Variants in TXLNB observed in about 807,000 individuals in gnomAD.
The protein encoded by TXLNB is beta-taxilin.
A neutral mutation model predicts 57.4 loss-of-function variants in TXLNB; 37 were observed. That is an observed-to-expected ratio of 0.64 (90% CI 0.50 to 0.85). The LOEUF is 0.85. Among genes scored for constraint, TXLNB ranks in the 40% least tolerant of loss-of-function variants. TXLNB has a pLI of 0.00. For missense variants in TXLNB, 848 were observed against 825.6 expected, an observed-to-expected ratio of 1.03 and a Z score of -0.33; for synonymous variants, 302 against 309.6, an observed-to-expected ratio of 0.98 and a Z score of 0.26.
rs534846233 is a variant in TXLNB, at chr6:139,282,688, G to A, written c.425-5767C>T. On this transcript the variant is annotated intron_variant, in intron 2 of 9. Transcript: ENST00000358430. ...ACTGAAGCTCACTTGTAACTAGAAAGACAAAATTCATTAACTGAGGTGTAA... is the reference window on the plus strand; with the variant it reads ...ACTGAAGCTCACTTGTAACTAGAAAAACAAAATTCATTAACTGAGGTGTAA... 6.7e-4 allele frequency among the ~76,000 whole-genome samples: 98 copies of A among 146,068 alleles called. 14 individuals carry two copies. The highest frequency in any genetic ancestry group is 2.2e-3 in the African/African-American group (88 of 39,792).
chr6:139,210,437 A>G, the TXLNB span, among the ~76,000 whole-genome samples: 2 of 152,242 alleles, frequency 1.3e-5, no homozygotes, highest in Non-Finnish European at 2.9e-5. Flanking sequence ...ACAATTCACA[A>G]TTGCAAAAAT....
chr6:139,258,412 C>T (rs73560712), intron 6 of TXLNB, among the ~76,000 whole-genome samples: 12,866 of 152,182 alleles, frequency 0.085, 600 homozygotes, highest in Middle Eastern at 0.11. Context: ...GGTGGAATTT[C>T]TATTCTCTTG....
the TXLNB span, among the ~76,000 whole-genome samples, chr6:139,182,277 CTTTA>C: frequency 6.6e-6 from 1 of 152,146 alleles, no homozygotes; most frequent in African/African-American, 2.4e-5. Context: ...ATAAATTTGA[CTTTA>C]TTTAAAGCCT....
chr6:139,243,490 T>C (rs1282089277), intron 9 of TXLNB, among the ~76,000 whole-genome samples, 176 bp from the exon 10 acceptor site: 1 of 136,744 alleles, frequency 7.3e-6, no homozygotes, highest in Admixed American at 7.1e-5. Flanking sequence ...GACATCACTT[T>C]CCTTTTTTTT....
At chr6:139,321,966 A>T in the TXLNB span, among the ~76,000 whole-genome samples, 19 of 139,842 alleles carry the variant, frequency 1.4e-4, no homozygotes, top group Admixed American at 2.9e-4. Context: ...AGATTCATTA[A>T]TTTTTTTTTT....
chr6:139,281,539 C>CCTTTT (rs1213464486), intron 2 of TXLNB, among the ~76,000 whole-genome samples: 1 of 57,448 alleles, frequency 1.7e-5, no homozygotes, highest in East Asian at 5.1e-4. Context: ...ATCTGGAGTT[C>CCTTTT]TTTTTTTTTT....
chr6:139,314,726 G>A, the TXLNB span, among the ~76,000 whole-genome samples: 11 of 152,158 alleles, frequency 7.2e-5, no homozygotes, highest in African/African-American at 2.4e-4. Context: ...TTCTGAAACC[G>A]CCTTTGCAAA....
the TXLNB span, among the ~76,000 whole-genome samples, chr6:139,214,203 G>A: frequency 1.3e-5 from 2 of 152,158 alleles, no homozygotes. Context: ...CAATATCCTT[G>A]ATGAACATTG....
At chr6:139,217,974 A>G in the TXLNB span, among the ~76,000 whole-genome samples, 6 of 151,814 alleles carry the variant, frequency 4.0e-5, no homozygotes, top group Non-Finnish European at 8.8e-5. Flanking sequence ...TGATTTGCCC[A>G]TTTCCAATAA....
the TXLNB span, among the ~76,000 whole-genome samples, chr6:139,203,392 G>T: frequency 0.035 from 5,324 of 152,076 alleles, 260 homozygotes; most frequent in African/African-American, 0.11. Flanking sequence ...CTTACCACTC[G>T]GGGGAAAATT....
At chr6:139,309,650 C>T in the TXLNB span, among the ~76,000 whole-genome samples, 1 of 152,118 alleles carries the variant, frequency 6.6e-6, no homozygotes, top group South Asian at 2.1e-4. Flanking sequence ...AAGGGCCAGG[C>T]ACAGTGGCTC....
the TXLNB span, among the ~76,000 whole-genome samples, chr6:139,193,658 C>CTT: frequency 7.0e-6 from 1 of 143,060 alleles, no homozygotes. Context: ...CATCTTCTCA[C>CTT]TTTTTTTTTT....
chr6:139,178,083 A>G, the TXLNB span: 3 of 152,250 alleles, frequency 2.0e-5, no homozygotes, highest in African/African-American at 7.2e-5. Context: ...TTTGACCTTA[A>G]GAGGGAAGGG....
the TXLNB span, among the ~76,000 whole-genome samples, chr6:139,193,167 A>G: frequency 6.7e-6 from 1 of 149,466 alleles, no homozygotes; most frequent in Non-Finnish European, 1.5e-5. Flanking sequence ...CTCCTTCTCA[A>G]TTCCTCCTTA....
chr6:139,314,302 A>C, the TXLNB span, among the ~76,000 whole-genome samples: 1 of 152,190 alleles, frequency 6.6e-6, no homozygotes, highest in South Asian at 2.1e-4. Context: ...TGGAAGTTTC[A>C]TCTATGTAAC....
the TXLNB span, among the ~76,000 whole-genome samples, chr6:139,221,774 A>G: frequency 6.6e-6 from 1 of 152,352 alleles, no homozygotes; most frequent in African/African-American, 2.4e-5. Context: ...TGGCTTAGAT[A>G]TAATTGAAGA....
the TXLNB span, among the ~76,000 whole-genome samples, chr6:139,173,196 T>A: frequency 6.6e-6 from 1 of 152,226 alleles, no homozygotes; most frequent in Non-Finnish European, 1.5e-5. Flanking sequence ...TTTCAAGAAG[T>A]TCTTGTCATC....
At chr6:139,179,138 TAATGCACAAAGC>T in the TXLNB span, 25 of 152,366 alleles carry the variant, frequency 1.6e-4, no homozygotes, top group African/African-American at 5.8e-4. Context: ...AACTTGTCTT[TAATGCACAAAGC>T]TGTAGTGGTG....
chr6:139,207,137 C>T, the TXLNB span, among the ~76,000 whole-genome samples: 1 of 152,154 alleles, frequency 6.6e-6, no homozygotes, highest in African/African-American at 2.4e-5. Flanking sequence ...ATGGACCTAA[C>T]AGATATTTAT....
Sources: allele counts gnomAD v4.1 joint callset (sites outside exome capture counted in the v4.1 genomes callset), GRCh38; gene constraint gnomAD v4.1.1; transcripts MANE v1.5; gene names NCBI Gene and HGNC (gene_info 2026-07-23, HGNC 2026-07-21).